The following SPAG9 variants were observed in gnomAD, a reference collection of about 807,000 sequenced individuals.
SPAG9 encodes the protein sperm associated antigen 9, also known as C-Jun-amino-terminal kinase-interacting protein 4.
SPAG9 carries 35 observed loss-of-function variants against 166.5 expected under a neutral mutation model. The ratio of observed to expected loss-of-function variants is 0.21; its 90% CI spans 0.16 to 0.28. The LOEUF (loss-of-function observed/expected upper bound fraction) is 0.28, where lower values mean the gene tolerates loss of function less well. Among genes scored for constraint, SPAG9 ranks in the 10% least tolerant of loss-of-function variants. The pLI, the probability that SPAG9 is intolerant of heterozygous loss-of-function variation, is 1.00. For synonymous variants in SPAG9, 534 were observed against 565.5 expected (o/e 0.94, Z 0.79); for missense variants, 1,235 against 1,603.3 (o/e 0.77, Z 3.92).
Position 51,097,490 on chromosome 17 carries a change from G to A in SPAG9, c.304-17786C>T, listed in dbSNP as rs185272171. ...CACCCAGGAATTCAAGATCAGCCTG[G>A]GCAACACAGCAAGACCTTCATCTCA... On this transcript the variant is annotated intron_variant, in intron 1 of 29. Coordinates refer to ENST00000262013, the MANE Select transcript of SPAG9 (RefSeq NM_001130528.3). Among the ~76,000 whole-genome samples, 26 of 151,930 alleles carry A rather than the reference G, an allele frequency of 1.7e-4. No individual in the cohort carries two copies. The East Asian group carries it at 4.6e-3, about 27-fold the overall frequency.
intron 14 of SPAG9, chr17:50,999,349 T>A (rs2044822728): frequency 1.4e-5 from 10 of 722,538 alleles, no homozygotes; most frequent in Non-Finnish European, 1.9e-5. Flanking sequence ...TTAATGGGGA[T>A]CCAGGTCATT....
At position 51,100,691 on chromosome 17, in the gene SPAG9, G is replaced by A. The variant is rs531405127; in HGVS notation, c.303+19663C>T. Among the ~76,000 whole-genome samples, 7 of 152,274 alleles carry A rather than the reference G, an allele frequency of 4.6e-5. No individual in the cohort carries two copies. The East Asian group carries it at 1.4e-3, about 29-fold the overall frequency. On this transcript the variant is annotated intron_variant, in intron 1 of 29. Transcript: ENST00000262013. ...ATCTGGTACTTTGGGACGCCAAGGC[G>A]GGAGGATCAACTGAGGTTGGGAGTT...
intron 2 of SPAG9, among the ~76,000 whole-genome samples, chr17:51,079,254 G>C (rs1388117353): frequency 6.6e-6 from 1 of 151,070 alleles, no homozygotes; most frequent in Non-Finnish European, 1.5e-5. Context: ...TCTGGGGGGT[G>C]GGGGGACACA....
intron 5 of SPAG9, among the ~76,000 whole-genome samples, chr17:51,032,890 C>T (rs1389269995): frequency 6.6e-6 from 1 of 151,892 alleles, no homozygotes; most frequent in African/African-American, 2.4e-5. Flanking sequence ...GCCGAGATCA[C>T]GCCATTGCAC....
chr17:51,089,609 T>C (rs1231618377), intron 1 of SPAG9, among the ~76,000 whole-genome samples: 3 of 123,260 alleles, frequency 2.4e-5, no homozygotes, highest in South Asian at 2.4e-4. Flanking sequence ...TGTATATATA[T>C]ACACTTTATT....
intron 1 of SPAG9, among the ~76,000 whole-genome samples, chr17:51,110,206 T>C (rs899030541): frequency 1.3e-5 from 2 of 152,162 alleles, no homozygotes. Context: ...TGTGTGTATA[T>C]GTGTATCCAC....
rs1238233300 is a variant in SPAG9 at position 51,006,101 on chromosome 17, C to T, written c.1408G>A (p.Glu470Lys). Reference protein sequence around the residue: ...LKLEEKNRELEEELRKARAEA... With the variant: ...LKLEEKNRELKEELRKARAEA... ...AAAACTTACTTCCTAAGCTCTTCCT[C>T]CAATTCTCTGTTCTTTTCCTCTAGT... The change falls in exon 11 of 30, where the codon GAG becomes AAG. Residue 470 changes from glutamate to lysine, a missense_variant. Glu to Lys is a moderately conservative substitution (Grantham distance 56, BLOSUM62 1). This residue lies in a region of SPAG9 where 125 missense variants were observed against 194.0 expected (regional missense o/e 0.64). Transcript: ENST00000262013. The T allele has an allele frequency of 6.2e-7, 1 of 1,614,186 alleles. No homozygotes were observed. Among genetic ancestry groups the T allele is most frequent in the East Asian group, 2.2e-5 (1 of 44,882 alleles).
At chr17:51,033,081 A>T (rs2046446762) in intron 5 of SPAG9, among the ~76,000 whole-genome samples, 1 of 152,030 alleles carries the variant, frequency 6.6e-6, no homozygotes, top group African/African-American at 2.4e-5. Context: ...CATATAGTTA[A>T]GGTGATTTTT....
At chr17:50,970,210 A>C (rs1973674452) in intron 29 of SPAG9, among the ~76,000 whole-genome samples, 1 of 152,180 alleles carries the variant, frequency 6.6e-6, no homozygotes, top group African/African-American at 2.4e-5. Flanking sequence ...AAACAAATAC[A>C]TTTTGGTATG....
rs899156424 is a variant in SPAG9, at chr17:51,053,054, C to CA, written c.495+3357dup. 1.4e-4 allele frequency among the ~76,000 whole-genome samples: 21 copies of CA among 150,042 alleles called. No homozygotes were observed. In the East Asian group the frequency reaches 2.5e-3, roughly 18 times the overall value. On this transcript the variant is annotated intron_variant, in intron 3 of 29. Transcript: ENST00000262013. ...CAGAGCAAGACCCCATCTCAAAAAA[C>CA]AAAAAAAAGTATGTATTTTATATTT... is the stretch of plus-strand genomic sequence containing the variant.
chr17:51,093,599 G>GCAGGAGAATGGCGTGAACC (rs943283505), intron 1 of SPAG9, among the ~76,000 whole-genome samples: 4 of 149,804 alleles, frequency 2.7e-5, no homozygotes, highest in African/African-American at 9.9e-5. Context: ...GGAGGCTGAG[G>GCAGGAGAATGGCGTGAACC]CAGGAGAATG....
chr17:50,981,193 A>T (rs1974576625), intron 25 of SPAG9, among the ~76,000 whole-genome samples: 1 of 152,112 alleles, frequency 6.6e-6, no homozygotes, highest in African/African-American at 2.4e-5. Context: ...TTTTTACTGC[A>T]CTAATGGTAT....
chr17:51,013,324 AT>A (rs1394512440), intron 9 of SPAG9, among the ~76,000 whole-genome samples: 11 of 152,198 alleles, frequency 7.2e-5, no homozygotes, highest in African/African-American at 2.4e-4. Context: ...ACCAAAACTA[AT>A]TCATAGGAGC....
Position 50,993,830 on chromosome 17 carries a change from G to T in SPAG9, c.2332C>A (p.Pro778Thr), listed in dbSNP as rs1315232270. The T allele has an allele frequency of 6.2e-7, 1 of 1,614,046 alleles. No homozygotes were observed. The highest frequency in any genetic ancestry group is 8.5e-7 in the Non-Finnish European group (1 of 1,180,034). Residue 778 changes from proline to threonine, a missense_variant, in exon 19 of 30, where the codon CCT (proline) becomes ACT (threonine). Physicochemically the swap from Pro to Thr is conservative, Grantham distance 38. Transcript: ENST00000262013. ...TKVLIIDAVQ[P>T]GNILDSFTVC... Reference sequence around the variant, plus strand: ...GTGAAACTGTCTAGGATGTTGCCAGGTTGAACAGCATCAATAATAAGAACT... The same window carrying T: ...GTGAAACTGTCTAGGATGTTGCCAGTTTGAACAGCATCAATAATAAGAACT...
chr17:51,060,418 G>A (rs9900090), intron 2 of SPAG9, among the ~76,000 whole-genome samples: 7,250 of 150,896 alleles, frequency 0.048, 521 homozygotes, highest in African/African-American at 0.16. Flanking sequence ...CAGGAGGATC[G>A]CTTGAATCTG....
At chr17:51,016,983 T>C (rs1011492131) in intron 8 of SPAG9, among the ~76,000 whole-genome samples, 1 of 152,264 alleles carries the variant, frequency 6.6e-6, no homozygotes, top group Non-Finnish European at 1.5e-5. Context: ...ATTAATTTTA[T>C]ATAGTCATAC....
intron 2 of SPAG9, among the ~76,000 whole-genome samples, chr17:51,074,863 A>C (rs1294998933): frequency 2.0e-5 from 3 of 152,120 alleles, no homozygotes; most frequent in Non-Finnish European, 2.9e-5. Flanking sequence ...AAAAATTGAC[A>C]TACTCAAACA....
At chr17:51,003,192 T>G (rs1467975333) in intron 12 of SPAG9, among the ~76,000 whole-genome samples, 1 of 151,922 alleles carries the variant, frequency 6.6e-6, no homozygotes, top group East Asian at 1.9e-4. Flanking sequence ...TGGGATATGA[T>G]TGCCACTGTA....
At chr17:51,072,051 T>C (rs1026892918) in intron 2 of SPAG9, among the ~76,000 whole-genome samples, 11 of 152,182 alleles carry the variant, frequency 7.2e-5, no homozygotes, top group African/African-American at 2.7e-4. Context: ...TTGGGTTACA[T>C]TTACTTTGTC....
Sources: allele counts gnomAD v4.1 joint callset (sites outside exome capture counted in the v4.1 genomes callset), GRCh38; gene constraint gnomAD v4.1.1; regional missense constraint gnomAD v4.1.1; transcripts MANE v1.5; gene names NCBI Gene and HGNC (gene_info 2026-07-23, HGNC 2026-07-21).